Variants in DMPK observed in about 807,000 individuals in gnomAD.
The protein encoded by DMPK is DM1 protein kinase.
In DMPK, 32 loss-of-function variants were observed where a neutral mutation model predicts 70.3. The ratio of observed to expected loss-of-function variants is 0.46; its 90% CI spans 0.34 to 0.61. DMPK has a LOEUF of 0.61. Among genes scored for constraint, DMPK ranks in the 20% least tolerant of loss-of-function variants. The probability of loss-of-function intolerance (pLI) is 0.01; values close to 1 mark genes in which losing one functional copy is unlikely to be tolerated. For missense variants in DMPK, 899 were observed against 886.0 expected (o/e 1.01, Z -0.19); for synonymous variants, 469 against 390.9 (o/e 1.20, Z -2.36).
chr19:45,770,930 G>C, intron 14 of DMPK, 41 bp downstream of exon 14: 1 of 1,360,418 alleles, frequency 7.4e-7, no homozygotes, highest in Non-Finnish European at 9.6e-7. Flanking sequence ...GGTGGAGCGC[G>C]GGGCGCGACG....
chr19:45,780,551 A>G, intron 1 of DMPK: 1 of 1,037,430 alleles, frequency 9.6e-7, no homozygotes, highest in Non-Finnish European at 1.2e-6. Context: ...ATGACTAGGA[A>G]TGTTAAACTG....
At chr19:45,770,914 G>C (rs939894571) in intron 14 of DMPK, 57 bp downstream of exon 14, 5 of 1,271,932 alleles carry the variant, frequency 3.9e-6, no homozygotes, top group Non-Finnish European at 4.1e-6. Flanking sequence ...CGGGTGGCAA[G>C]GGGCGGGTGG....
intron 1 of DMPK, 73 bp downstream of exon 1, chr19:45,782,120 G>T: frequency 2.8e-6 from 1 of 356,994 alleles, no homozygotes. Flanking sequence ...CCAACAGCCA[G>T]GCCTCTGTGC....
chr19:45,780,232 G>A, intron 1 of DMPK: 1 of 1,485,138 alleles, frequency 6.7e-7, no homozygotes, highest in Non-Finnish European at 8.9e-7. Flanking sequence ...CTGACTCCAG[G>A]TGACAGTTCA....
chr19:45,772,396 C>T (rs1969513487), intron 10 of DMPK: 1 of 411,180 alleles, frequency 2.4e-6, no homozygotes, highest in African/African-American at 2.1e-5. Flanking sequence ...GCTTGTTTCT[C>T]CTTCACCAGC....
rs1969423918 is a variant in DMPK, at chr19:45,771,333, A to C, written c.1647+17T>G. ...ATGGGCAGCAGGTCTGAGGCAGGGG[A>C]AAGAGAGGGGTCTTACATGGGAAGG... is the stretch of plus-strand genomic sequence containing the variant. On this transcript the variant is annotated intron_variant, in intron 13 of 14. Transcript: ENST00000291270. 1 of 1,584,604 alleles carries C rather than the reference A, an allele frequency of 6.3e-7. No individual in the cohort carries two copies. Among genetic ancestry groups the C allele is most frequent in the Non-Finnish European group, 8.6e-7 (1 of 1,169,244 alleles).
chr19:45,779,004 G>A (rs950323886), intron 4 of DMPK: 20 of 586,728 alleles, frequency 3.4e-5, no homozygotes, highest in Non-Finnish European at 5.8e-5. Context: ...TCCCATTCCA[G>A]GTAAGAGACC....
In DMPK at chr19:45,777,139, C is replaced by A; in HGVS notation, c.1146+188G>T. The A allele has an allele frequency of 1.3e-6, 1 of 794,270 alleles. No individual in the cohort carries two copies. Among genetic ancestry groups the A allele is most frequent in the Non-Finnish European group, 1.9e-6 (1 of 525,134 alleles). The allele number at this position is 794,270 out of a possible 1,614,324, so 49.2% of individuals were successfully genotyped here. A position where few individuals can be genotyped will look rare whatever the true frequency, so the allele number is the denominator to read the frequency against. On this transcript the variant is annotated intron_variant, in intron 8 of 14. Transcript: ENST00000291270. This position sits in a 1 kb window ranked among gnomAD's most constrained non-coding sequence, Gnocchi z 6.7. ...CTGGGGCCTTACTGTCTGAAGACTG[C>A]TCTGTGTTCCCCCACTGGACTGTAA...
At position 45,770,564 on chromosome 19, in the gene DMPK, C is replaced by G. The variant is rs1462858426; in HGVS notation, c.1814G>C (p.Gly605Ala). 6.4e-7 allele frequency: 1 copy of G among 1,551,344 alleles called. No individual in the cohort carries two copies. Among genetic ancestry groups the G allele is most frequent in the Non-Finnish European group, 8.7e-7 (1 of 1,147,236 alleles). Residue 605 changes from glycine to alanine, a missense_variant, in exon 15 of 15, where the codon GGC (glycine) becomes GCC (alanine). By Grantham distance (60) the Gly-to-Ala change is moderately conservative. Coordinates refer to ENST00000291270, the MANE Select transcript of DMPK (RefSeq NM_004409.5). ...AVVLSRAAAL[G>A]CIGLVAHAGQ... ...GGCGTGGGCCACCAACCCAATGCAGCCCAGGGCGGCGGCACGAGACAGAAC... is the reference window on the plus strand; with the variant it reads ...GGCGTGGGCCACCAACCCAATGCAGGCCAGGGCGGCGGCACGAGACAGAAC...
intron 4 of DMPK, 77 bp from the exon 5 acceptor site, chr19:45,778,718 C>T: frequency 1.4e-6 from 2 of 1,439,238 alleles, no homozygotes; most frequent in Non-Finnish European, 1.9e-6. Flanking sequence ...GACAACCCCT[C>T]CCAGAGACAC....
At chr19:45,778,399 G>T (rs1319435502) in intron 5 of DMPK, 94 bp downstream of exon 5, 9 of 1,506,812 alleles carry the variant, frequency 6.0e-6, no homozygotes, top group Middle Eastern at 2.2e-4. Flanking sequence ...AACCAAGAAG[G>T]TCCCTCTCCA....
intron 10 of DMPK, 90 bp downstream of exon 10, chr19:45,772,551 A>G: frequency 1.3e-6 from 1 of 745,222 alleles, no homozygotes; most frequent in Admixed American, 3.7e-5. Context: ...GGAAGTCCCT[A>G]GAGGGCTCTA....
Position 45,775,024 on chromosome 19 carries a change from G to C in DMPK, c.1157C>G (p.Ser386Trp), listed in dbSNP as rs748423751. 1.9e-6 allele frequency: 3 copies of C among 1,613,580 alleles called. No homozygotes were observed. The highest frequency in any genetic ancestry group is 2.5e-6 in the Non-Finnish European group (3 of 1,179,822). The change falls in exon 9 of 15, where the codon TCG becomes TGG. Residue 386 changes from serine (S) to tryptophan (W), a missense_variant. Physicochemically the swap from Ser to Trp is radical, Grantham distance 177. Around this residue, in one of 3 missense-constraint regions of DMPK, gnomAD observed 555 missense variants for 483.8 expected, o/e 1.15. Transcript: ENST00000291270. ...TAGCGGCGCACCTTCCCGAATGTCCGACAGTGTCTCCTGCGCAAGACACAC... is the reference window on the plus strand; with the variant it reads ...TAGCGGCGCACCTTCCCGAATGTCCCACAGTGTCTCCTGCGCAAGACACAC... ...AMVSGGGETL[S>W]DIREGAPLGV...
rs1180460380 is a variant in DMPK at position 45,782,336 on chromosome 19, C to T, written c.17G>A (p.Arg6Gln). The T allele has an allele frequency of 1.8e-5, 28 of 1,577,710 alleles. No individual in the cohort carries two copies. Among genetic ancestry groups the T allele is most frequent in the Middle Eastern group, 1.9e-4 (1 of 5,162 alleles). The change falls in exon 1 of 15, where the codon CGG (arginine) becomes CAG (glutamine). Residue 6 changes from arginine to glutamine, a missense_variant. Arg to Gln is a conservative substitution (Grantham distance 43, BLOSUM62 1). Transcript: ENST00000291270. MSAEVRLRRLQQLVLD... is the reference protein window; with the variant it reads MSAEVQLRRLQQLVLD... ...CACCAGCTGCTGGAGCCGCCTCAGC[C>T]GCACCTCGGCTGACATGTTGGACAG...
chr19:45,771,406 GAAGA>G lies in DMPK; in HGVS notation c.1601-14_1601-11del, dbSNP rs757971036. 1.4e-5 allele frequency: 22 copies of G among 1,608,848 alleles called. No individual in the cohort carries two copies. Among genetic ancestry groups the G allele is most frequent in the East Asian group, 1.1e-4 (5 of 44,866 alleles). ...GGGACCCCCGTGACAGCTGGAAGGA[GAAGA>G]AAGAGGCATAGGGCGCGTGGAGGGG... is the stretch of plus-strand genomic sequence containing the variant. On this transcript the variant is annotated splice_polypyrimidine_tract_variant and intron_variant, in intron 12 of 14. Transcript: ENST00000291270.
chr19:45,772,785 C>T (rs761832870), intron 9 of DMPK, 33 bp from the exon 10 acceptor site: 17 of 1,293,698 alleles, frequency 1.3e-5, no homozygotes, highest in Non-Finnish European at 1.6e-5. Context: ...GGGAGGGAGA[C>T]AGAATGCTGA....
intron 10 of DMPK, chr19:45,772,419 G>T (rs1199755841): frequency 4.5e-6 from 2 of 442,538 alleles, no homozygotes; most frequent in Non-Finnish European, 7.9e-6. Flanking sequence ...TCAGCTCAAA[G>T]ATCGACTTCT....
chr19:45,780,373 G>C (rs369679086), intron 1 of DMPK: 13 of 1,484,394 alleles, frequency 8.8e-6, no homozygotes, highest in African/African-American at 4.1e-5. Flanking sequence ...GAAAACCCTG[G>C]ATTTGGGGCT....
chr19:45,778,015 C>T, intron 6 of DMPK, 112 bp downstream of exon 6: 1 of 1,227,574 alleles, frequency 8.1e-7, no homozygotes. Context: ...CACACTTAAG[C>T]CTGGGTCACA....
Sources: gnomAD v4.1 joint callset for allele counts on GRCh38, gnomAD v4.1.1 for gene constraint, gnomAD v4.1.1 regional missense constraint, Gnocchi (gnomAD v3.1) non-coding constraint, MANE v1.5 for transcripts, NCBI Gene and HGNC (gene_info 2026-07-23, HGNC 2026-07-21) for gene names.